RORB: variants seen among roughly 807,000 people sequenced by gnomAD.
The protein encoded by RORB is RAR related orphan receptor B, also known as nuclear receptor ROR-beta.
Under a neutral mutation model 59.1 loss-of-function variants are expected in RORB, and 6 were observed. That is an observed-to-expected ratio of 0.10 (90% confidence interval 0.06 to 0.20). The LOEUF (loss-of-function observed/expected upper bound fraction) is 0.20, where lower values mean the gene tolerates loss of function less well. RORB is among the 10% of genes least tolerant of loss of function. The pLI is 1.00. For synonymous variants in RORB, 215 were observed against 204.5 expected (o/e 1.05, Z -0.44); for missense variants, 320 against 560.5 (o/e 0.57, Z 4.33).
At chr9:74,655,247 C>G (rs1824060795) in intron 4 of RORB, among the ~76,000 whole-genome samples, 1 of 152,196 alleles carries the variant, frequency 6.6e-6, no homozygotes, top group Non-Finnish European at 1.5e-5. Flanking sequence ...AAATCTCCAG[C>G]CTCATCCGTG....
At chr9:74,512,485 C>T (rs1225905445) in intron 1 of RORB, among the ~76,000 whole-genome samples, 2 of 152,092 alleles carry the variant, frequency 1.3e-5, no homozygotes, top group African/African-American at 4.8e-5. Flanking sequence ...TACTAACACC[C>T]CTAATACAGT....
chr9:74,548,157 A>C (rs1051662676), intron 1 of RORB, among the ~76,000 whole-genome samples: 4 of 152,282 alleles, frequency 2.6e-5, no homozygotes, highest in South Asian at 4.1e-4. Flanking sequence ...GTTACCCATA[A>C]CGGCATGACC....
At chr9:74,658,848 T>A (rs1270276003) in intron 4 of RORB, among the ~76,000 whole-genome samples, 1 of 152,232 alleles carries the variant, frequency 6.6e-6, no homozygotes, top group Non-Finnish European at 1.5e-5. Flanking sequence ...AATATAGGAT[T>A]TTTTAAAGAA....
chr9:74,569,651 T>C (rs976050435), intron 1 of RORB, among the ~76,000 whole-genome samples: 9 of 152,066 alleles, frequency 5.9e-5, no homozygotes, highest in African/African-American at 1.4e-4. Flanking sequence ...CTGCTCATCA[T>C]TGAAACCAGG....
intron 1 of RORB, among the ~76,000 whole-genome samples, chr9:74,510,578 A>G (rs537566128): frequency 1.3e-5 from 2 of 152,284 alleles, no homozygotes; most frequent in African/African-American, 4.8e-5. Flanking sequence ...ATAGCTCTCA[A>G]TAAGCTTATG....
intron 1 of RORB, among the ~76,000 whole-genome samples, chr9:74,521,985 G>A (rs1826091246): frequency 6.6e-6 from 1 of 151,702 alleles, no homozygotes; most frequent in African/African-American, 2.4e-5. Context: ...GTCTGCAACA[G>A]GCCTTGGTTC....
At chr9:74,661,839 G>A (rs1364565841) in intron 5 of RORB, among the ~76,000 whole-genome samples, 5 of 151,650 alleles carry the variant, frequency 3.3e-5, no homozygotes, top group African/African-American at 4.8e-5. Context: ...TAGAGACAGG[G>A]TTTCACCATG....
intron 1 of RORB, among the ~76,000 whole-genome samples, chr9:74,549,740 G>A (rs1199661657): frequency 6.6e-6 from 1 of 151,840 alleles, no homozygotes; most frequent in Non-Finnish European, 1.5e-5. Context: ...TTATGTGTGT[G>A]TGTTTGAGAC....
intron 1 of RORB, among the ~76,000 whole-genome samples, chr9:74,530,587 T>C (rs538130052): frequency 6.6e-6 from 1 of 152,050 alleles, no homozygotes; most frequent in African/African-American, 2.4e-5. Context: ...TTGTGGTTTG[T>C]AATTATTCAT....
chr9:74,554,674 C>A (rs374318944), intron 1 of RORB, among the ~76,000 whole-genome samples: 1 of 151,998 alleles, frequency 6.6e-6, no homozygotes, highest in African/African-American at 2.4e-5. Context: ...TTGTTGAGGA[C>A]TGAATTAATA....
intron 1 of RORB, among the ~76,000 whole-genome samples, chr9:74,603,931 A>G (rs1312971601): frequency 1.3e-5 from 2 of 152,214 alleles, no homozygotes; most frequent in African/African-American, 2.4e-5. Context: ...GTTGAGTGCC[A>G]TCGTCCTAAC....
At chr9:74,681,205 G>T (rs1217328776) in intron 9 of RORB, among the ~76,000 whole-genome samples, 1 of 152,204 alleles carries the variant, frequency 6.6e-6, no homozygotes, top group African/African-American at 2.4e-5. Context: ...TTAAAAAGTT[G>T]TTGAGCTATT....
At chr9:74,549,805 G>A (rs1826578287) in intron 1 of RORB, among the ~76,000 whole-genome samples, 1 of 151,996 alleles carries the variant, frequency 6.6e-6, no homozygotes, top group African/African-American at 2.4e-5. Context: ...TGGGCTCACT[G>A]CGACCCTCCG....
intron 8 of RORB, 29 bp from the exon 9 acceptor site, chr9:74,671,760 C>T (rs1158807431): frequency 7.1e-7 from 1 of 1,412,678 alleles, no homozygotes; most frequent in Non-Finnish European, 9.9e-7. Context: ...TTGATGTTCC[C>T]TCCACTTACC....
chr9:74,561,901 G>A (rs1822401012), intron 1 of RORB, among the ~76,000 whole-genome samples: 1 of 152,044 alleles, frequency 6.6e-6, no homozygotes, highest in Admixed American at 6.6e-5. Flanking sequence ...CATGACCTTA[G>A]CACTTTTGAT....
At chr9:74,511,333 T>C (rs535433504) in intron 1 of RORB, among the ~76,000 whole-genome samples, 2 of 152,298 alleles carry the variant, frequency 1.3e-5, no homozygotes, top group Middle Eastern at 3.4e-3. Context: ...ATGTACTATA[T>C]GATTTAAATT....
intron 1 of RORB, among the ~76,000 whole-genome samples, chr9:74,539,828 C>T (rs1240328852): frequency 4.1e-5 from 6 of 145,000 alleles, no homozygotes; most frequent in African/African-American, 7.7e-5. Flanking sequence ...CCTTAAGTTT[C>T]GTTGTTAAAT....
At chr9:74,514,692 A>T (rs1179621930) in intron 1 of RORB, among the ~76,000 whole-genome samples, 1 of 148,808 alleles carries the variant, frequency 6.7e-6, no homozygotes, top group Non-Finnish European at 1.5e-5. Context: ...ATATAATTAT[A>T]TATACGTAAA....
intron 1 of RORB, among the ~76,000 whole-genome samples, chr9:74,600,552 T>A (rs1823039800): frequency 6.6e-6 from 1 of 152,204 alleles, no homozygotes; most frequent in South Asian, 2.1e-4. Flanking sequence ...CAATTGTCAT[T>A]TCAGATCTTC....
Sources: gnomAD v4.1 joint callset for allele counts (sites outside exome capture counted in the v4.1 genomes callset) on GRCh38, gnomAD v4.1.1 for gene constraint, MANE v1.5 for transcripts, NCBI Gene and HGNC (gene_info 2026-07-23, HGNC 2026-07-21) for gene names.